The following NLRP12 variants were observed in gnomAD, a reference collection of about 807,000 sequenced individuals.
The protein encoded by NLRP12 is NLR family pyrin domain containing 12.
Under a neutral mutation model 91.2 loss-of-function variants are expected in NLRP12, and 108 were observed. That is an observed-to-expected ratio of 1.18 (90% CI 1.01 to 1.39). The LOEUF is 1.39. NLRP12 is among the 40% of genes most tolerant of loss of function. The probability of loss-of-function intolerance (pLI) is 0.00; values close to 1 mark genes in which losing one functional copy is unlikely to be tolerated. For synonymous variants in NLRP12, 613 were observed against 566.7 expected, an observed-to-expected ratio of 1.08 and a Z score of -1.16; for missense variants, 1,530 against 1,352.7, an observed-to-expected ratio of 1.13 and a Z score of -2.06.
At chr19:53,800,342 G>C (rs992707101) in intron 7 of NLRP12, among the ~76,000 whole-genome samples, 1 of 151,914 alleles carries the variant, frequency 6.6e-6, no homozygotes, top group East Asian at 1.9e-4. Context: ...GGTGGCATGC[G>C]CTTGCAGTCC....
At chr19:53,799,514 C>T (rs868434206) in intron 7 of NLRP12, among the ~76,000 whole-genome samples, 7 of 150,098 alleles carry the variant, frequency 4.7e-5, no homozygotes, top group Middle Eastern at 7.1e-3. Context: ...GATGGAATCT[C>T]GCTCTGTCAT....
chr19:53,811,578 ATTTT>A (rs942990064), intron 2 of NLRP12, among the ~76,000 whole-genome samples: 2 of 144,320 alleles, frequency 1.4e-5, no homozygotes, highest in African/African-American at 5.1e-5. Context: ...AGACTGGCTA[ATTTT>A]TTTTTTTTTT....
chr19:53,813,692 C>T lies in NLRP12; in HGVS notation c.370+1216G>A, dbSNP rs568193382. On this transcript the variant is annotated intron_variant, in intron 2 of 9. Transcript: ENST00000324134. ...TCATACAATATTTGTACCCCTCTCC[C>T]GCCTTTTTTTTTGAGACAGGGTCTT... is the stretch of plus-strand genomic sequence containing the variant. 4.0e-5 allele frequency among the ~76,000 whole-genome samples: 6 copies of T among 151,644 alleles called. No homozygotes were observed. In the East Asian group the frequency reaches 1.2e-3, roughly 30 times the overall value.
chr19:53,809,559 C>A, intron 3 of NLRP12, 28 bp downstream of exon 3: 1 of 1,493,578 alleles, frequency 6.7e-7, no homozygotes, highest in Non-Finnish European at 9.3e-7. Flanking sequence ...ACCTAAGCAG[C>A]CCCAGGGGAT....
chr19:53,812,190 C>T (rs957479033), intron 2 of NLRP12, among the ~76,000 whole-genome samples: 3 of 151,232 alleles, frequency 2.0e-5, no homozygotes, highest in African/African-American at 4.9e-5. Flanking sequence ...GGCTGGTCTA[C>T]AACTACTAGC....
intron 9 of NLRP12, among the ~76,000 whole-genome samples, chr19:53,794,433 C>G (rs1406243806): frequency 6.6e-6 from 1 of 151,020 alleles, no homozygotes; most frequent in African/African-American, 2.4e-5. Flanking sequence ...GATTCTCCTG[C>G]CTCAGCCTCC....
At chr19:53,812,221 G>A (rs2092087568) in intron 2 of NLRP12, among the ~76,000 whole-genome samples, 1 of 151,292 alleles carries the variant, frequency 6.6e-6, no homozygotes, top group Admixed American at 6.6e-5. Context: ...CCTCCTGCCT[G>A]AGCCCCGCAA....
At chr19:53,804,651 T>G (rs1224955343) in intron 5 of NLRP12, among the ~76,000 whole-genome samples, 2 of 150,534 alleles carry the variant, frequency 1.3e-5, no homozygotes, top group Non-Finnish European at 3.0e-5. Context: ...CCTCAGGTGA[T>G]CCGCCTGCCT....
At chr19:53,812,431 T>A (rs893287499) in intron 2 of NLRP12, among the ~76,000 whole-genome samples, 3 of 147,184 alleles carry the variant, frequency 2.0e-5, no homozygotes, top group Non-Finnish European at 4.5e-5. Flanking sequence ...AAAAAAAAAA[T>A]CTAGAACAAT....
chr19:53,797,004 A>C (rs7248245), intron 8 of NLRP12, among the ~76,000 whole-genome samples: 3 of 151,306 alleles, frequency 2.0e-5, no homozygotes, highest in African/African-American at 7.3e-5. Context: ...AAAAAATCCC[A>C]AATAAACTAG....
chr19:53,819,661 ATG>A (rs1159354741), intron 1 of NLRP12, among the ~76,000 whole-genome samples: 1 of 42,458 alleles, frequency 2.4e-5, no homozygotes, highest in Non-Finnish European at 5.5e-5. Context: ...ATATATACAC[ATG>A]TATACATATA....
intron 1 of NLRP12, among the ~76,000 whole-genome samples, chr19:53,820,521 CTCTGTCTCAGAAACAAAACAAAACAAAAA>C (rs1290522868): frequency 6.6e-6 from 1 of 150,730 alleles, no homozygotes; most frequent in African/African-American, 2.4e-5. Flanking sequence ...CAGAGTGAGA[CTCTGTCTCAGAAACAAAACAAAACAAAAA>C]ACCACAGCTC....
rs992988090 is a variant in NLRP12 at position 53,794,230 on chromosome 19, A to G, written c.3099-94T>C. 20 of 875,184 alleles carry G rather than the reference A, an allele frequency of 2.3e-5. No homozygotes were observed. The African/African-American group carries it at 3.1e-4, about 14-fold the overall frequency. The allele number at this position is 875,184 out of a possible 1,614,324, so 54.2% of individuals were successfully genotyped here. ...CTATTGTGCACTACCGTGGTAAGATAATTCCATGATCCTCCAGAAATTCCA... is the reference window on the plus strand; with the variant it reads ...CTATTGTGCACTACCGTGGTAAGATGATTCCATGATCCTCCAGAAATTCCA... On this transcript the variant is annotated intron_variant, in intron 9 of 9. Transcript: ENST00000324134.
chr19:53,823,430 A>AT (rs1302563670), intron 1 of NLRP12, among the ~76,000 whole-genome samples: 23 of 69,674 alleles, frequency 3.3e-4, no homozygotes, highest in South Asian at 7.6e-4. Context: ...AAATATATAT[A>AT]TTTAAAATAT....
rs1043515333 is a variant in NLRP12 at position 53,798,092 on chromosome 19, G to C, written c.2927+151C>G. The C allele has an allele frequency of 3.1e-6, 3 of 964,530 alleles. No homozygotes were observed. The African/African-American group carries it at 4.9e-5, about 16-fold the overall frequency. 59.7% of individuals were successfully genotyped at this position (964,530 alleles called of 1,614,324 possible). A position where few individuals can be genotyped will look rare whatever the true frequency, so the allele number is the denominator to read the frequency against. ...CCCCAAATCAGAATAAGTTCAGAGAGACTTCCTGTCTTTTCTTTCCACCTC... is the reference window on the plus strand; with the variant it reads ...CCCCAAATCAGAATAAGTTCAGAGACACTTCCTGTCTTTTCTTTCCACCTC... On this transcript the variant is annotated intron_variant, in intron 8 of 9. Coordinates refer to ENST00000324134, the MANE Select transcript of NLRP12 (RefSeq NM_144687.4).
In NLRP12 at chr19:53,810,589, G is replaced by A; in HGVS notation, c.1070C>T (p.Pro357Leu). The A allele has an allele frequency of 1.2e-6, 2 of 1,614,088 alleles. No homozygotes were observed. Among genetic ancestry groups the A allele is most frequent in the South Asian group, 2.2e-5 (2 of 91,072 alleles). ...GAAGCCCAGGATCTCCACATGCCTG[G>A]GGTGCTCCAGCAGACGGTGGAGCTT... ...LEKLHRLLEH[P>L]RHVEILGFSE... is the part of the protein sequence containing the mutation. The change falls in exon 3 of 10, where the codon CCC becomes CTC. Residue 357 changes from proline (P) to leucine (L), a missense_variant. Transcript: ENST00000324134.
In NLRP12 at chr19:53,794,071, G is replaced by A; in HGVS notation, c.3164C>T (p.Pro1055Leu). ...CATTCAGCAGCCAATGTCCAAATAA[G>A]GTTTTGTTACTCGAAGCGCTGCCAA... ...SRLAALRVTKPYLDIGC is the reference protein window; with the variant it reads ...SRLAALRVTKLYLDIGC The change falls in exon 10 of 10, where the codon CCT (proline) becomes CTT (leucine). Residue 1055 changes from proline (P) to leucine (L), a missense_variant. Pro to Leu is a moderately conservative substitution (Grantham distance 98, BLOSUM62 -3). Transcript: ENST00000324134. 2 of 1,613,718 alleles carry A rather than the reference G, an allele frequency of 1.2e-6. No homozygotes were observed. The highest frequency in any genetic ancestry group is 8.5e-7 in the Non-Finnish European group (1 of 1,179,672).
chr19:53,802,445 C>T (rs965510727), intron 6 of NLRP12, among the ~76,000 whole-genome samples: 17 of 151,838 alleles, frequency 1.1e-4, no homozygotes, highest in African/African-American at 3.4e-4. Flanking sequence ...TGGTGGCTCA[C>T]GCCTGTAATC....
intron 1 of NLRP12, among the ~76,000 whole-genome samples, chr19:53,821,707 G>A (rs935756195): frequency 1.3e-5 from 2 of 152,092 alleles, no homozygotes; most frequent in African/African-American, 4.8e-5. Context: ...TGCTAAGGAG[G>A]CACAGAAGTG....
Sources: allele counts gnomAD v4.1 joint callset (sites outside exome capture counted in the v4.1 genomes callset), GRCh38; gene constraint gnomAD v4.1.1; transcripts MANE v1.5; gene names NCBI Gene and HGNC (gene_info 2026-07-23, HGNC 2026-07-21).